The following NXPH1 variants were observed in gnomAD, a reference collection of about 807,000 sequenced individuals.
NXPH1 encodes the protein neurexophilin-1.
A neutral mutation model predicts 23.7 loss-of-function variants in NXPH1; 5 were observed. The ratio of observed to expected loss-of-function variants is 0.21; its 90% CI spans 0.11 to 0.44. The LOEUF (loss-of-function observed/expected upper bound fraction) is 0.44. Ranked by LOEUF, NXPH1 falls within the 20% of genes least tolerant of loss-of-function variation. NXPH1 has a pLI of 0.99. For missense variants in NXPH1, 324 were observed against 321.6 expected (o/e 1.01, Z -0.06); for synonymous variants, 144 against 122.2 (o/e 1.18, Z -1.18).
intron 2 of NXPH1, among the ~76,000 whole-genome samples, chr7:8,725,915 A>C (rs1458155450): frequency 6.6e-6 from 1 of 152,172 alleles, no homozygotes; most frequent in East Asian, 1.9e-4. Context: ...AGGGTTTTTG[A>C]ATCAATCTAA....
intron 2 of NXPH1, among the ~76,000 whole-genome samples, chr7:8,508,691 C>G (rs1349352986): frequency 6.6e-6 from 1 of 151,988 alleles, no homozygotes; most frequent in Non-Finnish European, 1.5e-5. Flanking sequence ...GAGGCTACAG[C>G]TATTTCTTCT....
intron 2 of NXPH1, among the ~76,000 whole-genome samples, chr7:8,537,759 T>G (rs1818050656): frequency 6.6e-6 from 1 of 152,008 alleles, no homozygotes; most frequent in East Asian, 1.9e-4. Context: ...ATCTGAAAGA[T>G]GAGGCAGTTG....
At chr7:8,682,158 G>A (rs1396895024) in intron 2 of NXPH1, among the ~76,000 whole-genome samples, 1 of 152,192 alleles carries the variant, frequency 6.6e-6, no homozygotes, top group Non-Finnish European at 1.5e-5. Flanking sequence ...CGAGCAGGCA[G>A]TGAGGATGAA....
chr7:8,631,506 T>C (rs146096747), intron 2 of NXPH1, among the ~76,000 whole-genome samples: 101 of 152,212 alleles, frequency 6.6e-4, no homozygotes, highest in African/African-American at 2.2e-3. Flanking sequence ...ATGGGGGAAA[T>C]TTTTTGTAAA....
intron 2 of NXPH1, among the ~76,000 whole-genome samples, chr7:8,694,009 T>C (rs896610627): frequency 6.6e-6 from 1 of 152,228 alleles, no homozygotes; most frequent in African/African-American, 2.4e-5. Context: ...GAAAGAGTCA[T>C]GTCAGGATGA....
In NXPH1 at chr7:8,442,545, C is replaced by T. The variant is rs1456967239; in HGVS notation, c.54+6778C>T. Among the ~76,000 whole-genome samples the T allele has an allele frequency of 1.3e-5, 2 of 152,238 alleles. No homozygotes were observed. The highest frequency in any genetic ancestry group is 6.5e-5 in the Admixed American group (1 of 15,288). ...CTATGTCTTAGACCCCGTCCTCACA[C>T]ATTGACTTTAAAAGGCCATTTTCCT... On this transcript the variant is annotated intron_variant, in intron 2 of 2. Transcript: ENST00000405863. The surrounding 1 kb of genome is among the most constrained non-coding windows in gnomAD (Gnocchi z 4.6).
intron 2 of NXPH1, among the ~76,000 whole-genome samples, chr7:8,700,421 T>C (rs1443539984): frequency 2.0e-5 from 3 of 152,162 alleles, no homozygotes; most frequent in African/African-American, 4.8e-5. Flanking sequence ...CATTTGCTTC[T>C]TAGACAGTTC....
At chr7:8,578,910 G>A (rs1180546039) in intron 2 of NXPH1, among the ~76,000 whole-genome samples, 2 of 152,184 alleles carry the variant, frequency 1.3e-5, no homozygotes, top group Non-Finnish European at 2.9e-5. Flanking sequence ...AATATTCTAG[G>A]CATATTAAAG....
chr7:8,498,165 A>G (rs1160532008), intron 2 of NXPH1, among the ~76,000 whole-genome samples: 1 of 151,858 alleles, frequency 6.6e-6, no homozygotes, highest in African/African-American at 2.4e-5. Flanking sequence ...TTATTATTAC[A>G]AGTACCTTAT....
intron 2 of NXPH1, among the ~76,000 whole-genome samples, chr7:8,571,596 G>C (rs1403868264): frequency 1.3e-5 from 2 of 151,922 alleles, no homozygotes; most frequent in African/African-American, 4.8e-5. Context: ...AAGGACAAAT[G>C]CTAGACATAT....
chr7:8,471,387 A>G (rs1224539181), intron 2 of NXPH1, among the ~76,000 whole-genome samples: 1 of 152,218 alleles, frequency 6.6e-6, no homozygotes, highest in Non-Finnish European at 1.5e-5. Flanking sequence ...ATATATTCTT[A>G]TAAAACTGAC....
At chr7:8,611,493 T>C (rs1418446094) in intron 2 of NXPH1, among the ~76,000 whole-genome samples, 1 of 152,162 alleles carries the variant, frequency 6.6e-6, no homozygotes, top group Non-Finnish European at 1.5e-5. Context: ...TCGTTTGGAT[T>C]GTTGATCACT....
At chr7:8,560,907 T>C (rs1001901936) in intron 2 of NXPH1, among the ~76,000 whole-genome samples, 4 of 151,642 alleles carry the variant, frequency 2.6e-5, no homozygotes, top group African/African-American at 9.7e-5. Context: ...TCATAACACA[T>C]CTGGCTGCAG....
chr7:8,730,093 A>G (rs1780123842), intron 2 of NXPH1, among the ~76,000 whole-genome samples: 1 of 151,918 alleles, frequency 6.6e-6, no homozygotes, highest in South Asian at 2.1e-4. Context: ...ACCATTATGT[A>G]ATGGCCTTCT....
At chr7:8,673,127 C>T (rs1358487373) in intron 2 of NXPH1, among the ~76,000 whole-genome samples, 1 of 152,068 alleles carries the variant, frequency 6.6e-6, no homozygotes, top group Non-Finnish European at 1.5e-5. Flanking sequence ...GCTCTATTTT[C>T]ATATGGCCTG....
intron 2 of NXPH1, among the ~76,000 whole-genome samples, chr7:8,536,984 A>T (rs968564447): frequency 1.3e-5 from 2 of 151,992 alleles, no homozygotes; most frequent in Admixed American, 6.6e-5. Flanking sequence ...TAAGTTTGAG[A>T]TGCCAAATTA....
intron 2 of NXPH1, among the ~76,000 whole-genome samples, chr7:8,516,786 C>G (rs1397753217): frequency 6.6e-6 from 1 of 152,108 alleles, no homozygotes; most frequent in Non-Finnish European, 1.5e-5. Flanking sequence ...TATTCCCACT[C>G]AAACAGGTTT....
At chr7:8,449,403 A>G (rs1563313367) in intron 2 of NXPH1, among the ~76,000 whole-genome samples, 1 of 152,230 alleles carries the variant, frequency 6.6e-6, no homozygotes, top group South Asian at 2.1e-4. Context: ...AAAACGTTCC[A>G]TATTTCTGTT....
chr7:8,486,481 A>G (rs1488947647), intron 2 of NXPH1, among the ~76,000 whole-genome samples: 1 of 152,186 alleles, frequency 6.6e-6, no homozygotes, highest in Non-Finnish European at 1.5e-5. Flanking sequence ...CTCAAAGGAT[A>G]CATTCTTCTT....
Sources: gnomAD v4.1 joint callset for allele counts (sites outside exome capture counted in the v4.1 genomes callset) on GRCh38, gnomAD v4.1.1 for gene constraint, Gnocchi (gnomAD v3.1) non-coding constraint, MANE v1.5 for transcripts, NCBI Gene and HGNC (gene_info 2026-07-23, HGNC 2026-07-21) for gene names.